The following TNKS variants were observed in gnomAD, a reference collection of about 807,000 sequenced individuals.
TNKS encodes the protein poly [ADP-ribose] polymerase tankyrase-1.
Under a neutral mutation model 135.8 loss-of-function variants are expected in TNKS, and 72 were observed. The ratio of observed to expected loss-of-function variants is 0.53; its 90% CI spans 0.44 to 0.64. The LOEUF is 0.64. Ranked by LOEUF, TNKS falls within the 30% of genes least tolerant of loss-of-function variation. The probability of loss-of-function intolerance (pLI) is 0.00; values close to 1 mark genes in which losing one functional copy is unlikely to be tolerated. For missense variants in TNKS, 1,769 were observed against 1,674.0 expected (o/e 1.06, Z -0.99); for synonymous variants, 849 against 649.3 (o/e 1.31, Z -4.68).
chr8:9,773,007 A>ACTTACTTGTAAGTTGGTAGCT (rs1400140499), intron 26 of TNKS, among the ~76,000 whole-genome samples: 3 of 151,666 alleles, frequency 2.0e-5, no homozygotes, highest in Admixed American at 1.3e-4. Context: ...AATTTTTGCA[A>ACTTACTTGTAAGTTGGTAGCT]CTTACTTGTA....
At position 9,733,290 on chromosome 8, in the gene TNKS, C is replaced by T; in HGVS notation, c.2159C>T (p.Pro720Leu). The change falls in exon 15 of 27, where the codon CCC becomes CTC. Residue 720 changes from proline to leucine, a missense_variant. Transcript: ENST00000310430. ...VHAKDKGGLV[P>L]LHNACSYGHY... ...TTTCTTTTGTTTAGTGGCTTGGTGC[C>T]CCTTCATAATGCCTGTTCATATGGA... The T allele has an allele frequency of 4.5e-6, 7 of 1,555,760 alleles. No homozygotes were observed. Among genetic ancestry groups the T allele is most frequent in the Admixed American group, 4.4e-5 (2 of 45,388 alleles).
At chr8:9,680,647 T>G in intron 4 of TNKS, 78 bp from the exon 5 acceptor site, 1 of 956,162 alleles carries the variant, frequency 1.0e-6, no homozygotes, top group Non-Finnish European at 1.7e-6. Context: ...TATTTTACTC[T>G]CGTGTGAAAA....
chr8:9,640,861 A>G (rs1438570611), intron 3 of TNKS, among the ~76,000 whole-genome samples: 1 of 145,828 alleles, frequency 6.9e-6, no homozygotes, highest in Non-Finnish European at 1.5e-5. Context: ...TCACTGTGTA[A>G]CTCACAACAT....
At chr8:9,595,709 A>C (rs1798758561) in intron 2 of TNKS, among the ~76,000 whole-genome samples, 1 of 152,148 alleles carries the variant, frequency 6.6e-6, no homozygotes, top group Non-Finnish European at 1.5e-5. Context: ...AAATTTTCAT[A>C]TACTTTTTTA....
chr8:9,640,312 TG>T (rs1268575798), intron 3 of TNKS, among the ~76,000 whole-genome samples: 4 of 151,886 alleles, frequency 2.6e-5, no homozygotes, highest in African/African-American at 9.7e-5. Context: ...GACAGAAAAA[TG>T]GCATTAATCC....
At chr8:9,771,887 T>A (rs1332968632) in intron 26 of TNKS, among the ~76,000 whole-genome samples, 1 of 1,148 alleles carries the variant, frequency 8.7e-4, no homozygotes, top group Non-Finnish European at 1.6e-3. Flanking sequence ...AGGGAGAAAG[T>A]GAGGGAGAGC....
intron 3 of TNKS, among the ~76,000 whole-genome samples, chr8:9,643,936 G>C (rs553698085): frequency 6.6e-6 from 1 of 152,306 alleles, no homozygotes; most frequent in South Asian, 2.1e-4. Flanking sequence ...GTATTAATCA[G>C]CCTTAAACAG....
chr8:9,729,217 A>G (rs1325948132), intron 13 of TNKS, among the ~76,000 whole-genome samples: 2 of 152,328 alleles, frequency 1.3e-5, no homozygotes, highest in East Asian at 1.9e-4. Context: ...AAGAGTCCGC[A>G]TGACCCAGTC....
Position 9,702,335 on chromosome 8 carries a change from A to G in TNKS, c.1108-2328A>G, listed in dbSNP as rs183815258. Among the ~76,000 whole-genome samples, 324 of 152,318 alleles carry G rather than the reference A, an allele frequency of 2.1e-3. 1 individual carries two copies. The highest frequency in any genetic ancestry group is 2.0e-3 in the Non-Finnish European group (138 of 68,024). ...CACACACACACACACACATACACAC[A>G]CGAAGAAAACTATACCAAGGCACAT... On this transcript the variant is annotated intron_variant, in intron 5 of 26. Transcript: ENST00000310430.
At chr8:9,575,513 A>C in intron 1 of TNKS, 1 of 711,844 alleles carries the variant, frequency 1.4e-6, no homozygotes, top group Non-Finnish European at 1.7e-6. Flanking sequence ...TAAAAATTTC[A>C]ACTCACACCA....
intron 2 of TNKS, among the ~76,000 whole-genome samples, chr8:9,602,128 T>C (rs980348143): frequency 4.6e-5 from 7 of 151,812 alleles, no homozygotes; most frequent in African/African-American, 1.7e-4. Flanking sequence ...CTGTTAAACA[T>C]AACACACAGG....
At chr8:9,763,123 T>TATG (rs761921422) in intron 21 of TNKS, 24 bp from the exon 22 acceptor site, 2 of 1,400,028 alleles carry the variant, frequency 1.4e-6, no homozygotes, top group East Asian at 4.6e-5. Flanking sequence ...TTTTGTTTTA[T>TATG]ATGTTAATTT....
intron 7 of TNKS, among the ~76,000 whole-genome samples, chr8:9,706,526 C>A (rs914091015): frequency 6.6e-6 from 1 of 152,146 alleles, no homozygotes; most frequent in Admixed American, 6.5e-5. Flanking sequence ...CCACGCACAG[C>A]TAATTTTTAT....
At chr8:9,728,341 A>G (rs1805258995) in intron 13 of TNKS, among the ~76,000 whole-genome samples, 1 of 152,206 alleles carries the variant, frequency 6.6e-6, no homozygotes, top group African/African-American at 2.4e-5. Flanking sequence ...AATTGTGAAA[A>G]GTAAGTAGGA....
At chr8:9,610,694 A>T (rs10088039) in intron 2 of TNKS, among the ~76,000 whole-genome samples, 43,577 of 151,836 alleles carry the variant, frequency 0.29, 6,498 homozygotes, top group East Asian at 0.38. Flanking sequence ...AAAGCATTAG[A>T]TGCTTATAAT....
chr8:9,621,518 C>A (rs1799865672), intron 3 of TNKS, among the ~76,000 whole-genome samples: 1 of 152,122 alleles, frequency 6.6e-6, no homozygotes, highest in Admixed American at 6.6e-5. Context: ...GTTGGTCAGG[C>A]TAGTCTCGAA....
intron 3 of TNKS, among the ~76,000 whole-genome samples, chr8:9,642,855 T>C (rs1418666600): frequency 6.8e-6 from 1 of 146,202 alleles, no homozygotes. Flanking sequence ...AGAACTAATA[T>C]CATAATAACA....
intron 5 of TNKS, among the ~76,000 whole-genome samples, chr8:9,685,415 C>T (rs543661013): frequency 2.3e-4 from 35 of 152,222 alleles, no homozygotes; most frequent in African/African-American, 8.2e-4. Flanking sequence ...GGTCAGTATA[C>T]CTAGTACAGT....
chr8:9,589,161 G>T (rs1179287009), intron 2 of TNKS, among the ~76,000 whole-genome samples: 1 of 152,164 alleles, frequency 6.6e-6, no homozygotes, highest in Non-Finnish European at 1.5e-5. Flanking sequence ...CTTGAAACCT[G>T]TATTAATGAA....
Sources: gnomAD v4.1 joint callset for allele counts (sites outside exome capture counted in the v4.1 genomes callset) on GRCh38, gnomAD v4.1.1 for gene constraint, MANE v1.5 for transcripts, NCBI Gene and HGNC (gene_info 2026-07-23, HGNC 2026-07-21) for gene names.